MPDZ: variants seen among roughly 807,000 people sequenced by gnomAD.
MPDZ encodes multiple PDZ domain protein.
Under a neutral mutation model 239.1 loss-of-function variants are expected in MPDZ, and 234 were observed. The observed-to-expected ratio is 0.98, with a 90% CI of 0.88 to 1.09. MPDZ has a LOEUF of 1.09. Among genes scored for constraint, MPDZ ranks in the 50% least tolerant of loss-of-function variants. MPDZ has a pLI of 0.00. For missense variants in MPDZ, 3,175 were observed against 2,510.0 expected (o/e 1.26, Z -5.66); for synonymous variants, 1,048 against 881.3 (o/e 1.19, Z -3.35).
chr9:13,238,669 C>T (rs1964667820), intron 3 of MPDZ, among the ~76,000 whole-genome samples: 1 of 152,126 alleles, frequency 6.6e-6, no homozygotes, highest in Non-Finnish European at 1.5e-5. Flanking sequence ...GAAAACTCCA[C>T]AAATTTTGAT....
chr9:13,130,664 T>A (rs556425441), intron 32 of MPDZ, among the ~76,000 whole-genome samples: 1 of 152,334 alleles, frequency 6.6e-6, no homozygotes, highest in African/African-American at 2.4e-5. Flanking sequence ...ATTGAAGTAA[T>A]ATTTCAAAAT....
At chr9:13,121,411 C>G (rs1023174070) in intron 38 of MPDZ, among the ~76,000 whole-genome samples, 1 of 152,188 alleles carries the variant, frequency 6.6e-6, no homozygotes, top group African/African-American at 2.4e-5. Flanking sequence ...TTTAATTCGA[C>G]GTTCACCAGA....
At chr9:13,192,655 T>A (rs1292162333) in intron 14 of MPDZ, among the ~76,000 whole-genome samples, 1 of 151,998 alleles carries the variant, frequency 6.6e-6, no homozygotes, top group Middle Eastern at 3.4e-3. Flanking sequence ...AAAAAAAAAA[T>A]TGGACAATGA....
chr9:13,150,642 C>G lies in MPDZ; in HGVS notation c.3499G>C (p.Val1167Leu). The part of the protein sequence containing the change: ...EPSKSLGISI[V>L]GGRGMGSRLS... ...CGACTCCCCATCCCTCGTCCACCAA[C>G]AATGCTGATGCCTAAGGATTTGCTT... Residue 1167 changes from valine (V) to leucine (L), a missense_variant, in exon 25 of 47, where the codon GTT becomes CTT. Coordinates refer to ENST00000319217, the MANE Select transcript of MPDZ (RefSeq NM_001378778.1). 1 of 1,509,992 alleles carries G rather than the reference C, an allele frequency of 6.6e-7. No individual in the cohort carries two copies. The highest frequency in any genetic ancestry group is 8.9e-7 in the Non-Finnish European group (1 of 1,125,810). The allele number at this position is 1,509,992 out of a possible 1,614,324, so 93.5% of individuals were successfully genotyped here.
chr9:13,193,499 C>G (rs986382523), intron 13 of MPDZ, among the ~76,000 whole-genome samples, 186 bp from the exon 14 acceptor site: 1 of 152,140 alleles, frequency 6.6e-6, no homozygotes, highest in East Asian at 1.9e-4. Context: ...CTTTTGATTT[C>G]ATGAACTTAC....
In MPDZ at chr9:13,126,546, A is replaced by G; in HGVS notation, c.4602T>C (p.Asp1534=). Residue 1534 remains aspartate, a synonymous_variant, in exon 34 of 47, where the codon GAT becomes GAC. Transcript: ENST00000319217. ...KVGDQILAVD[D]EIVVGYPIEK... is the part of the protein sequence containing the mutation. ...CAATAGGGTAACCAACAACAATTTC[A>G]TCATCTACAGCCAGTATCTGATCTC... The G allele has an allele frequency of 6.3e-7, 1 of 1,578,098 alleles. No individual in the cohort carries two copies. The highest frequency in any genetic ancestry group is 2.3e-5 in the East Asian group (1 of 43,540).
chr9:13,228,661 G>A (rs754916373), intron 3 of MPDZ, among the ~76,000 whole-genome samples: 5 of 151,900 alleles, frequency 3.3e-5, no homozygotes, highest in South Asian at 2.1e-4. Context: ...ATTGGTGTGC[G>A]GGATCCTCAG....
chr9:13,180,248 T>C (rs1173967923), intron 19 of MPDZ, among the ~76,000 whole-genome samples: 1 of 152,196 alleles, frequency 6.6e-6, no homozygotes, highest in Admixed American at 6.6e-5. Context: ...TGTAAGAATG[T>C]TCAGACTACT....
chr9:13,220,312 C>T (rs1053287083), intron 7 of MPDZ, among the ~76,000 whole-genome samples: 5 of 151,950 alleles, frequency 3.3e-5, no homozygotes, highest in Non-Finnish European at 7.4e-5. Flanking sequence ...TTATGAGCCT[C>T]CATACACATG....
chr9:13,164,435 T>C (rs2225483), intron 22 of MPDZ, among the ~76,000 whole-genome samples: 72,948 of 151,886 alleles, frequency 0.48, 21,006 homozygotes, highest in African/African-American at 0.81. Flanking sequence ...TGTGAAAAGC[T>C]TATTCAAGAA....
At chr9:13,246,368 G>C (rs947446565) in intron 3 of MPDZ, among the ~76,000 whole-genome samples, 1 of 152,172 alleles carries the variant, frequency 6.6e-6, no homozygotes, top group African/African-American at 2.4e-5. Context: ...CTTGAACCCA[G>C]GAGATAGAGG....
chr9:13,267,975 C>G (rs1231386266), intron 1 of MPDZ, among the ~76,000 whole-genome samples: 2 of 152,100 alleles, frequency 1.3e-5, no homozygotes, highest in Non-Finnish European at 2.9e-5. Context: ...GTCATTAAGT[C>G]TGAGTCACTT....
chr9:13,243,655 T>A (rs940969692), intron 3 of MPDZ, among the ~76,000 whole-genome samples: 1 of 152,148 alleles, frequency 6.6e-6, no homozygotes, highest in Non-Finnish European at 1.5e-5. Context: ...TAATCAACAT[T>A]TAAGAGTAAT....
At position 13,236,935 on chromosome 9, in the gene MPDZ, A is replaced by C. The variant is rs906607771; in HGVS notation, c.183+10700T>G. On this transcript the variant is annotated intron_variant, in intron 3 of 46. Coordinates refer to ENST00000319217, the MANE Select transcript of MPDZ (RefSeq NM_001378778.1). ...TTTTCAAATACGTTTGATCTTTTTT[A>C]ATAGTATCTTTATTTCTTATTATTG... Among the ~76,000 whole-genome samples the C allele has an allele frequency of 4.6e-5, 7 of 152,114 alleles. No homozygotes were observed. In the South Asian group the frequency reaches 1.5e-3, roughly 32 times the overall value.
intron 1 of MPDZ, among the ~76,000 whole-genome samples, chr9:13,278,020 C>T (rs2139613445): frequency 6.6e-6 from 1 of 152,304 alleles, no homozygotes; most frequent in East Asian, 1.9e-4. Flanking sequence ...AGCCCGAAAC[C>T]ATCACCTCCT....
intron 12 of MPDZ, among the ~76,000 whole-genome samples, chr9:13,196,968 A>G (rs1339875519): frequency 6.6e-6 from 1 of 151,834 alleles, no homozygotes; most frequent in Non-Finnish European, 1.5e-5. Flanking sequence ...TCTAAATTAA[A>G]TTTCAATATC....
intron 18 of MPDZ, among the ~76,000 whole-genome samples, chr9:13,184,493 T>C (rs1259859887): frequency 1.3e-5 from 2 of 151,964 alleles, no homozygotes; most frequent in East Asian, 3.9e-4. Flanking sequence ...GGTCACATTC[T>C]TACAAAAAAC....
intron 10 of MPDZ, among the ~76,000 whole-genome samples, chr9:13,214,935 T>A (rs780273477): frequency 6.6e-6 from 1 of 151,968 alleles, no homozygotes; most frequent in Non-Finnish European, 1.5e-5. Flanking sequence ...TAATGTGGAC[T>A]TAAAGGGAGA....
rs1221474662 is a variant in MPDZ at position 13,176,178 on chromosome 9, T to G, written c.2889A>C (p.Ser963=). The G allele has an allele frequency of 6.2e-7, 1 of 1,603,392 alleles. No homozygotes were observed. Among genetic ancestry groups the G allele is most frequent in the Non-Finnish European group, 8.5e-7 (1 of 1,174,222 alleles). The change falls in exon 20 of 47, where the codon TCA becomes TCC. Residue 963 remains serine (S), a synonymous_variant. Coordinates refer to ENST00000319217, the MANE Select transcript of MPDZ (RefSeq NM_001378778.1). The part of the protein sequence containing the change: ...TESHLPSEVI[S]SAELPSVLPD... The stretch of plus-strand genomic sequence containing the variant: ...GTAGCACAGAAGGAAGTTCTGCACT[T>G]GATATAACTTCACTTGGTAAATGAG...
Sources: gnomAD v4.1 joint callset for allele counts (sites outside exome capture counted in the v4.1 genomes callset) on GRCh38, gnomAD v4.1.1 for gene constraint, MANE v1.5 for transcripts, NCBI Gene and HGNC (gene_info 2026-07-23, HGNC 2026-07-21) for gene names.